Variants in MYO7B observed in about 807,000 individuals in gnomAD.
MYO7B encodes the protein myosin VIIB, also known as unconventional myosin-VIIb.
MYO7B carries 212 observed loss-of-function variants against 259.7 expected under a neutral mutation model. The ratio of observed to expected loss-of-function variants is 0.82; its 90% CI spans 0.73 to 0.91. MYO7B has a LOEUF of 0.91. Among genes scored for constraint, MYO7B ranks in the 40% least tolerant of loss-of-function variants. The pLI is 0.00. For synonymous variants in MYO7B, 1,197 were observed against 1,166.4 expected (o/e 1.03, Z -0.54); for missense variants, 2,732 against 2,813.5 (o/e 0.97, Z 0.66).
chr2:127,578,053 G>C, intron 8 of MYO7B, 80 bp from the exon 9 acceptor site: 1 of 1,551,530 alleles, frequency 6.4e-7, no homozygotes. Context: ...ATGAAGTGCA[G>C]TGTCTCAGCC....
At chr2:127,568,473 C>T (rs934600944) in intron 5 of MYO7B, among the ~76,000 whole-genome samples, 2 of 152,304 alleles carry the variant, frequency 1.3e-5, no homozygotes, top group South Asian at 2.1e-4. Context: ...TTGATGAGCT[C>T]GTGTTTATAA....
At chr2:127,536,930 A>G (rs530879147) in intron 1 of MYO7B, among the ~76,000 whole-genome samples, 1 of 152,292 alleles carries the variant, frequency 6.6e-6, no homozygotes, top group South Asian at 2.1e-4. Context: ...CTGCATCCAC[A>G]GCTCTAGCAC....
intron 1 of MYO7B, among the ~76,000 whole-genome samples, chr2:127,540,315 C>T (rs1692954986): frequency 2.6e-5 from 4 of 152,194 alleles, no homozygotes; most frequent in Admixed American, 6.5e-5. Flanking sequence ...AGATGCCCGC[C>T]ACCACACCCA....
In MYO7B at chr2:127,585,062, AT is replaced by A. The variant is rs1414090719; in HGVS notation, c.1690+150del. On this transcript the variant is annotated intron_variant, in intron 14 of 47. Coordinates refer to ENST00000409816, the MANE Select transcript of MYO7B (RefSeq NM_001393586.1). This position sits in a 1 kb window ranked among gnomAD's most constrained non-coding sequence, Gnocchi z 4.3. Reference sequence around the variant, plus strand: ...GTATGGCTTCTACTGGAGAAAGAAAATGGAGTGGACCGGGCATGTTTTGTTT... The same window carrying A: ...GTATGGCTTCTACTGGAGAAAGAAAAGGAGTGGACCGGGCATGTTTTGTTT... The A allele has an allele frequency of 2.6e-5, 28 of 1,057,614 alleles. No individual in the cohort carries two copies. The South Asian group carries it at 3.7e-4, about 14-fold the overall frequency. The allele number at this position is 1,057,614 out of a possible 1,614,324, so 65.5% of individuals were successfully genotyped here. A position where few individuals can be genotyped will look rare whatever the true frequency, so the allele number is the denominator to read the frequency against.
Position 127,636,088 on chromosome 2 carries a change from G to A in MYO7B, c.6007-120G>A. 1 of 1,077,896 alleles carries A rather than the reference G, an allele frequency of 9.3e-7. No individual in the cohort carries two copies. 66.8% of individuals were successfully genotyped at this position (1,077,896 alleles called of 1,614,324 possible). A position where few individuals can be genotyped will look rare whatever the true frequency, so the allele number is the denominator to read the frequency against. On this transcript the variant is annotated intron_variant, in intron 44 of 47. Transcript: ENST00000409816. The surrounding 1 kb of genome is among the most constrained non-coding windows in gnomAD (Gnocchi z 4.5). ...ATCCACAGCACCGAGACTGTCCCAT[G>A]CTGCATTCCTCCCCTCCCCTCCCCA...
intron 1 of MYO7B, among the ~76,000 whole-genome samples, chr2:127,540,842 T>C (rs1230755695): frequency 1.3e-5 from 2 of 152,166 alleles, no homozygotes; most frequent in Non-Finnish European, 2.9e-5. Context: ...GGGGCTTCTG[T>C]GGAGCTACGT....
intron 4 of MYO7B, among the ~76,000 whole-genome samples, chr2:127,566,299 G>T (rs1678338828): frequency 6.6e-6 from 1 of 152,232 alleles, no homozygotes; most frequent in African/African-American, 2.4e-5. Flanking sequence ...CAGCCTATAT[G>T]AAAGCCCCTG....
Position 127,590,251 on chromosome 2 carries a change from A to G in MYO7B, c.1992+22A>G. The G allele has an allele frequency of 6.2e-7, 1 of 1,612,486 alleles. No homozygotes were observed. Among genetic ancestry groups the G allele is most frequent in the Non-Finnish European group, 8.5e-7 (1 of 1,179,698 alleles). On this transcript the variant is annotated intron_variant, in intron 16 of 47. Coordinates refer to ENST00000409816, the MANE Select transcript of MYO7B (RefSeq NM_001393586.1). The surrounding 1 kb of genome is among the most constrained non-coding windows in gnomAD (Gnocchi z 4.6). ...GCTGGTAATGACAGGAGGCTGGGGC[A>G]CAGCAAAGGAGGGAGGAGGAGGAGG...
Position 127,609,643 on chromosome 2 carries a change from A to G in MYO7B, c.2952A>G (p.Ser984=). 1 of 1,614,002 alleles carries G rather than the reference A, an allele frequency of 6.2e-7. No individual in the cohort carries two copies. Among genetic ancestry groups the G allele is most frequent in the Non-Finnish European group, 8.5e-7 (1 of 1,179,894 alleles). Residue 984 remains serine, a synonymous_variant, in exon 23 of 48, where the codon TCA becomes TCG. Coordinates refer to ENST00000409816, the MANE Select transcript of MYO7B (RefSeq NM_001393586.1). The surrounding 1 kb of genome is among the most constrained non-coding windows in gnomAD (Gnocchi z 6.9). ...PKFAVTYFQK[S]ASHTHIRRPL... is the part of the protein sequence containing the mutation. The stretch of plus-strand genomic sequence containing the variant: ...TTGCTGTGACTTACTTCCAGAAATC[A>G]GCCAGCCACACACACATCCGGCGGC...
At chr2:127,554,948 G>T (rs748940612) in intron 1 of MYO7B, among the ~76,000 whole-genome samples, 1 of 148,624 alleles carries the variant, frequency 6.7e-6, no homozygotes, top group African/African-American at 2.5e-5. Flanking sequence ...ATTTCTAATT[G>T]ATTTTTTTTT....
intron 19 of MYO7B, among the ~76,000 whole-genome samples, chr2:127,605,156 A>T (rs1680116033): frequency 1.3e-5 from 2 of 152,256 alleles, no homozygotes; most frequent in African/African-American, 4.8e-5. Context: ...GCCAGAGCCC[A>T]GCTTTCAGGT....
intron 12 of MYO7B, among the ~76,000 whole-genome samples, chr2:127,583,683 C>T (rs1281386935): frequency 1.3e-5 from 2 of 152,116 alleles, no homozygotes; most frequent in African/African-American, 4.8e-5. Flanking sequence ...GGCAGTAGGG[C>T]GTATGCCTGG....
At chr2:127,596,903 C>G (rs983264129) in intron 19 of MYO7B, among the ~76,000 whole-genome samples, 2 of 152,224 alleles carry the variant, frequency 1.3e-5, no homozygotes, top group Non-Finnish European at 2.9e-5. Flanking sequence ...AGGAAAGAAT[C>G]CATGGCTTGC....
At position 127,576,572 on chromosome 2, in the gene MYO7B, G is replaced by T; in HGVS notation, c.736-23G>T. On this transcript the variant is annotated intron_variant, in intron 7 of 47. Coordinates refer to ENST00000409816, the MANE Select transcript of MYO7B (RefSeq NM_001393586.1). This position sits in a 1 kb window ranked among gnomAD's most constrained non-coding sequence, Gnocchi z 4.9. ...AGGGGAATGGCTCATGAATCTGTCT[G>T]GAATGCCCTCCCTCCCTCCCAGGCT... 1 of 1,461,668 alleles carries T rather than the reference G, an allele frequency of 6.8e-7. No homozygotes were observed. The highest frequency in any genetic ancestry group is 1.2e-5 in the South Asian group (1 of 82,734). The allele number at this position is 1,461,668 out of a possible 1,614,324, so 90.5% of individuals were successfully genotyped here.
intron 35 of MYO7B, 60 bp from the exon 36 acceptor site, chr2:127,630,718 T>A (rs1681434165): frequency 6.3e-7 from 1 of 1,598,528 alleles, no homozygotes; most frequent in Non-Finnish European, 8.5e-7. Context: ...GGGAGGAGCC[T>A]GCAGGAAGGG....
At chr2:127,556,343 A>C (rs572924658) in intron 1 of MYO7B, among the ~76,000 whole-genome samples, 2 of 152,322 alleles carry the variant, frequency 1.3e-5, no homozygotes, top group Non-Finnish European at 2.9e-5. Context: ...ATTCTTATCC[A>C]TTCTGCCATT....
Position 127,588,253 on chromosome 2 carries a change from G to T in MYO7B, c.1691-139G>T, listed in dbSNP as rs905706711. On this transcript the variant is annotated intron_variant, in intron 14 of 47. Coordinates refer to ENST00000409816, the MANE Select transcript of MYO7B (RefSeq NM_001393586.1). Reference sequence around the variant, plus strand: ...GGGGCCATGCCTGGGTAGAGGGGTGGAGAGCATGGCCGTAGTGGGGCCATT... The same window carrying T: ...GGGGCCATGCCTGGGTAGAGGGGTGTAGAGCATGGCCGTAGTGGGGCCATT... The T allele has an allele frequency of 6.4e-6, 6 of 937,720 alleles. No individual in the cohort carries two copies. The African/African-American group carries it at 6.6e-5, about 10-fold the overall frequency. 58.1% of individuals were successfully genotyped at this position (937,720 alleles called of 1,614,324 possible).
intron 12 of MYO7B, among the ~76,000 whole-genome samples, chr2:127,583,504 G>C (rs1032061692): frequency 6.6e-6 from 1 of 152,226 alleles, no homozygotes; most frequent in Non-Finnish European, 1.5e-5. Flanking sequence ...GGAGGGACAG[G>C]TATTGGAGAC....
chr2:127,564,121 G>A (rs1386052969), intron 2 of MYO7B, 32 bp from the exon 3 acceptor site: 3 of 1,427,144 alleles, frequency 2.1e-6, no homozygotes, highest in South Asian at 2.5e-5. Flanking sequence ...AGAGAGCGGG[G>A]ATCACACCAC....
Sources: allele counts gnomAD v4.1 joint callset (sites outside exome capture counted in the v4.1 genomes callset), GRCh38; gene constraint gnomAD v4.1.1; non-coding constraint Gnocchi (gnomAD v3.1); transcripts MANE v1.5; gene names NCBI Gene and HGNC (gene_info 2026-07-23, HGNC 2026-07-21).